The following SIK3 variants were observed in gnomAD, a reference collection of about 807,000 sequenced individuals.
SIK3 encodes the protein SIK family kinase 3, also known as serine/threonine-protein kinase SIK3.
Under a neutral mutation model 144.2 loss-of-function variants are expected in SIK3, and 28 were observed. That is an observed-to-expected ratio of 0.19 (90% CI 0.14 to 0.27). The LOEUF is 0.27. Among genes scored for constraint, SIK3 ranks in the 10% least tolerant of loss-of-function variants. The pLI, the probability that SIK3 is intolerant of heterozygous loss-of-function variation, is 1.00. For missense variants in SIK3, 1,319 were observed against 1,776.0 expected (o/e 0.74, Z 4.62); for synonymous variants, 686 against 676.3 (o/e 1.01, Z -0.22).
At chr11:117,006,654 A>G (rs925452576) in intron 1 of SIK3, among the ~76,000 whole-genome samples, 2 of 152,070 alleles carry the variant, frequency 1.3e-5, no homozygotes, top group Admixed American at 6.6e-5. Flanking sequence ...AAAAAGAAAG[A>G]AAGAAAGAAA....
intron 1 of SIK3, among the ~76,000 whole-genome samples, chr11:117,073,453 C>T (rs1190723385): frequency 3.3e-5 from 5 of 152,172 alleles, no homozygotes; most frequent in Non-Finnish European, 5.9e-5. Flanking sequence ...GTCATATAGA[C>T]CTACTTATAA....
intron 3 of SIK3, among the ~76,000 whole-genome samples, chr11:116,936,293 TC>T: frequency 6.6e-6 from 1 of 152,122 alleles, no homozygotes; most frequent in South Asian, 2.1e-4. Flanking sequence ...GATTCTCCTA[TC>T]TCAGCCTCCC....
At chr11:116,893,645 T>C (rs1339003614) in intron 6 of SIK3, among the ~76,000 whole-genome samples, 2 of 151,026 alleles carry the variant, frequency 1.3e-5, no homozygotes, top group Non-Finnish European at 2.9e-5. Flanking sequence ...CATTCCAACC[T>C]GAGCAACAGA....
chr11:116,881,475 G>A (rs73023056), intron 6 of SIK3, among the ~76,000 whole-genome samples: 3,568 of 152,242 alleles, frequency 0.023, 63 homozygotes, highest in Non-Finnish European at 0.032. Flanking sequence ...GTATGGGCAG[G>A]GTCCTAAAAT....
intron 1 of SIK3, among the ~76,000 whole-genome samples, chr11:116,964,681 G>A (rs1216016535): frequency 6.6e-6 from 1 of 152,100 alleles, no homozygotes; most frequent in Admixed American, 6.6e-5. Context: ...AGGAGCTCGA[G>A]ACCAGCCTGG....
chr11:116,872,075 T>C (rs1944000045), intron 13 of SIK3, among the ~76,000 whole-genome samples: 1 of 151,978 alleles, frequency 6.6e-6, no homozygotes, highest in African/African-American at 2.4e-5. Flanking sequence ...ACTCTGGGTT[T>C]TGCCAACCTC....
At chr11:117,058,137 TG>T (rs1480891609) in intron 1 of SIK3, among the ~76,000 whole-genome samples, 1 of 152,100 alleles carries the variant, frequency 6.6e-6, no homozygotes, top group Non-Finnish European at 1.5e-5. Flanking sequence ...GAGCTTGGCA[TG>T]TGAAGGATCT....
intron 1 of SIK3, among the ~76,000 whole-genome samples, chr11:117,040,501 A>C (rs1423958998): frequency 6.6e-6 from 1 of 152,190 alleles, no homozygotes; most frequent in African/African-American, 2.4e-5. Flanking sequence ...ACCACAAATA[A>C]ATCTGTAAAT....
chr11:117,030,896 A>G (rs1042045898), intron 1 of SIK3, among the ~76,000 whole-genome samples: 32 of 152,198 alleles, frequency 2.1e-4, no homozygotes, highest in African/African-American at 7.5e-4. Flanking sequence ...GCAGTTCCCT[A>G]ACGGCTAATG....
chr11:116,882,231 T>G (rs749691889), intron 6 of SIK3, among the ~76,000 whole-genome samples: 6 of 152,208 alleles, frequency 3.9e-5, no homozygotes, highest in Non-Finnish European at 5.9e-5. Flanking sequence ...GGCAGGGACA[T>G]GAGAACACTA....
chr11:116,853,268 C>T (rs1337024429), intron 21 of SIK3, among the ~76,000 whole-genome samples: 1 of 152,146 alleles, frequency 6.6e-6, no homozygotes, highest in African/African-American at 2.4e-5. Context: ...AAGACCCTAT[C>T]GACCATTTTG....
intron 1 of SIK3, among the ~76,000 whole-genome samples, chr11:117,078,100 T>C (rs1954630091): frequency 6.6e-6 from 1 of 152,232 alleles, no homozygotes; most frequent in African/African-American, 2.4e-5. Context: ...TAGGCATGCC[T>C]TGTTCCATTA....
In SIK3 at chr11:116,858,802, C is replaced by T; in HGVS notation, c.2766-103G>A. On this transcript the variant is annotated intron_variant, in intron 20 of 24. Transcript: ENST00000445177. This position sits in a 1 kb window ranked among gnomAD's most constrained non-coding sequence, Gnocchi z 5.4. ...AGGGAGAACCCACTGGTACAGAGAA[C>T]TGTGGTGTGACAGAGAAGTGGCAGA... 5.4e-6 allele frequency: 8 copies of T among 1,474,776 alleles called. No individual in the cohort carries two copies. The highest frequency in any genetic ancestry group is 7.2e-6 in the Non-Finnish European group (8 of 1,109,474). 91.4% of individuals were successfully genotyped at this position (1,474,776 alleles called of 1,614,324 possible).
chr11:116,898,313 T>C (rs1004275015), intron 4 of SIK3, among the ~76,000 whole-genome samples: 1 of 152,222 alleles, frequency 6.6e-6, no homozygotes, highest in South Asian at 2.1e-4. Context: ...CTCATCATTT[T>C]CTATGGCTGC....
chr11:116,924,081 G>C (rs1291511261), intron 4 of SIK3, among the ~76,000 whole-genome samples: 1 of 151,932 alleles, frequency 6.6e-6, no homozygotes. Context: ...AACTCCTGAG[G>C]TCAGGAGTTC....
intron 3 of SIK3, among the ~76,000 whole-genome samples, chr11:116,949,156 C>T (rs1357730959): frequency 1.3e-5 from 2 of 152,130 alleles, no homozygotes; most frequent in Admixed American, 6.6e-5. Flanking sequence ...AGAAAGATCT[C>T]GTATCAATAA....
At chr11:117,065,927 T>C (rs1020657625) in intron 1 of SIK3, among the ~76,000 whole-genome samples, 3 of 152,092 alleles carry the variant, frequency 2.0e-5, no homozygotes, top group Admixed American at 6.5e-5. Flanking sequence ...CCGCCAAACC[T>C]GGCCCATAAA....
At chr11:117,049,448 C>T (rs1953123404) in intron 1 of SIK3, among the ~76,000 whole-genome samples, 1 of 151,638 alleles carries the variant, frequency 6.6e-6, no homozygotes, top group African/African-American at 2.4e-5. Flanking sequence ...CATCATGGTG[C>T]ATGCCTATAA....
intron 1 of SIK3, among the ~76,000 whole-genome samples, chr11:117,078,550 G>A (rs963960019): frequency 1.3e-5 from 2 of 151,658 alleles, no homozygotes; most frequent in Non-Finnish European, 2.9e-5. Context: ...AAGTAGCTGG[G>A]ATTACAGGCC....
Sources: allele counts gnomAD v4.1 joint callset (sites outside exome capture counted in the v4.1 genomes callset), GRCh38; gene constraint gnomAD v4.1.1; non-coding constraint Gnocchi (gnomAD v3.1); transcripts MANE v1.5; gene names NCBI Gene and HGNC (gene_info 2026-07-23, HGNC 2026-07-21).